Variants in ME3 observed in about 807,000 individuals in gnomAD.
ME3 encodes the protein malic enzyme 3.
Under a neutral mutation model 68.9 loss-of-function variants are expected in ME3, and 48 were observed. That is an observed-to-expected ratio of 0.70 (90% confidence interval 0.55 to 0.89). The LOEUF is 0.89. Among genes scored for constraint, ME3 ranks in the 40% least tolerant of loss-of-function variants. The probability of loss-of-function intolerance (pLI) is 0.00; values close to 1 mark genes in which losing one functional copy is unlikely to be tolerated. For synonymous variants in ME3, 320 were observed against 318.8 expected (o/e 1.00, Z -0.04); for missense variants, 675 against 797.4 (o/e 0.85, Z 1.85).
chr11:86,587,300 C>T (rs969507923), intron 2 of ME3, among the ~76,000 whole-genome samples: 7 of 152,180 alleles, frequency 4.6e-5, no homozygotes, highest in African/African-American at 7.2e-5. Context: ...GAGGTCTTTC[C>T]CTGAGACCAT....
chr11:86,525,696 T>C (rs1047415161), intron 4 of ME3, among the ~76,000 whole-genome samples: 4 of 151,986 alleles, frequency 2.6e-5, no homozygotes, highest in Non-Finnish European at 5.9e-5. Context: ...ACCCCATCTC[T>C]ACTAAAATAC....
intron 11 of ME3, among the ~76,000 whole-genome samples, chr11:86,447,877 AC>A: frequency 3.6e-5 from 5 of 137,396 alleles, no homozygotes; most frequent in African/African-American, 1.0e-4. Flanking sequence ...AAAAAAAAAG[AC>A]AGAGAGAAAG....
At chr11:86,648,675 C>A (rs1164981806) in intron 2 of ME3, among the ~76,000 whole-genome samples, 4 of 152,088 alleles carry the variant, frequency 2.6e-5, no homozygotes, top group African/African-American at 7.2e-5. Flanking sequence ...CAAAGAAATA[C>A]AAACTACCAT....
chr11:86,580,014 G>T (rs1958347843), intron 2 of ME3, among the ~76,000 whole-genome samples: 1 of 152,008 alleles, frequency 6.6e-6, no homozygotes, highest in Non-Finnish European at 1.5e-5. Flanking sequence ...TGTTTTCTTT[G>T]TCCCTTTCTG....
intron 4 of ME3, among the ~76,000 whole-genome samples, chr11:86,522,784 T>C (rs889106415): frequency 2.6e-5 from 4 of 152,230 alleles, no homozygotes; most frequent in Non-Finnish European, 5.9e-5. Context: ...CTATCACTGA[T>C]GGGCATTTGG....
At chr11:86,462,439 G>T (rs1950267239) in intron 8 of ME3, 1 of 484,668 alleles carries the variant, frequency 2.1e-6, no homozygotes, top group Non-Finnish European at 2.7e-6. Context: ...AAGTTATGCA[G>T]ATTTTTGACT....
At chr11:86,666,648 A>G (rs959135518) in intron 2 of ME3, among the ~76,000 whole-genome samples, 13 of 152,228 alleles carry the variant, frequency 8.5e-5, no homozygotes, top group Non-Finnish European at 1.6e-4. Context: ...TTGAGCTTCA[A>G]TGCAACTGAG....
intron 4 of ME3, among the ~76,000 whole-genome samples, chr11:86,537,255 G>A (rs1292708675): frequency 6.6e-6 from 1 of 151,022 alleles, no homozygotes; most frequent in South Asian, 2.1e-4. Flanking sequence ...CCTGCACAAT[G>A]TGCACATGTA....
At chr11:86,447,790 G>A (rs777333148) in intron 11 of ME3, among the ~76,000 whole-genome samples, 13 of 151,150 alleles carry the variant, frequency 8.6e-5, no homozygotes, top group Non-Finnish European at 1.6e-4. Context: ...CCCAGGGGGC[G>A]GAGGTTGCAG....
At chr11:86,501,594 A>G (rs2139043733) in intron 5 of ME3, among the ~76,000 whole-genome samples, 1 of 152,242 alleles carries the variant, frequency 6.6e-6, no homozygotes, top group South Asian at 2.1e-4. Context: ...TGCTACTCAA[A>G]TGTCCAATAG....
chr11:86,578,093 C>T (rs79936900), intron 2 of ME3, among the ~76,000 whole-genome samples: 2 of 152,238 alleles, frequency 1.3e-5, no homozygotes, highest in East Asian at 1.9e-4. Flanking sequence ...CCATCCCGAC[C>T]GAACAAGGGA....
chr11:86,443,930 TG>T (rs144007684), intron 13 of ME3, among the ~76,000 whole-genome samples: 4,340 of 152,282 alleles, frequency 0.028, 101 homozygotes, highest in Non-Finnish European at 0.044. Flanking sequence ...ACTTCATCAC[TG>T]GGCCCTCCTT....
intron 8 of ME3, chr11:86,462,721 G>A: frequency 1.7e-6 from 1 of 590,814 alleles, no homozygotes; most frequent in South Asian, 1.5e-5. Context: ...GCCTCCAGAA[G>A]CTTATTATCT....
At chr11:86,605,969 C>CT (rs569095281) in intron 2 of ME3, among the ~76,000 whole-genome samples, 132 of 152,280 alleles carry the variant, frequency 8.7e-4, no homozygotes, top group African/African-American at 2.9e-3. Context: ...CCAGAAAAAT[C>CT]TGACTATTTC....
At chr11:86,492,349 G>A (rs983203376) in intron 6 of ME3, among the ~76,000 whole-genome samples, 1 of 152,128 alleles carries the variant, frequency 6.6e-6, no homozygotes, top group Non-Finnish European at 1.5e-5. Flanking sequence ...AAATTAAGAA[G>A]GTCTTAGAAA....
At chr11:86,523,254 TA>T (rs981687585) in intron 4 of ME3, among the ~76,000 whole-genome samples, 15 of 152,272 alleles carry the variant, frequency 9.9e-5, no homozygotes, top group Non-Finnish European at 2.9e-5. Context: ...CTATGCCATT[TA>T]CTTACTGCCA....
chr11:86,624,417 C>A (rs7120052), intron 2 of ME3, among the ~76,000 whole-genome samples: 42,841 of 152,062 alleles, frequency 0.28, 7,225 homozygotes, highest in East Asian at 0.56. Flanking sequence ...AAACAGAATC[C>A]AATAAAAACA....
intron 14 of ME3, 74 bp downstream of exon 14, chr11:86,442,747 A>C: frequency 7.8e-7 from 1 of 1,277,222 alleles, no homozygotes; most frequent in Admixed American, 1.8e-5. Flanking sequence ...CATCCCCTTA[A>C]CCCTCCTAAA....
rs557127294 is a variant in ME3, at chr11:86,594,708, AAAAAAACG to A, written c.184-34893_184-34886del. On this transcript the variant is annotated intron_variant, in intron 2 of 14. Coordinates refer to ENST00000543262, the Ensembl canonical transcript of ME3. Reference sequence around the variant, plus strand: ...ACAATACAAAAAAACACAAAAAAACAAAAAAACGAAACAAAGTCTGCTCTCCAAATGTG... The same window carrying A: ...ACAATACAAAAAAACACAAAAAAACAAAACAAAGTCTGCTCTCCAAATGTG... 1.9e-3 allele frequency among the ~76,000 whole-genome samples: 281 copies of A among 145,932 alleles called. 41 individuals carry two copies. The highest frequency in any genetic ancestry group is 0.017 in the East Asian group (70 of 4,192).
Sources: allele counts gnomAD v4.1 joint callset (sites outside exome capture counted in the v4.1 genomes callset), GRCh38; gene constraint gnomAD v4.1.1; transcripts MANE v1.5; gene names NCBI Gene and HGNC (gene_info 2026-07-23, HGNC 2026-07-21).